The following ZAN variants were observed in gnomAD, a reference collection of about 807,000 sequenced individuals.
The protein encoded by ZAN is zonadhesin (gene/pseudogene).
ZAN carries 260 observed loss-of-function variants against 286.2 expected under a neutral mutation model. That is an observed-to-expected ratio of 0.91 (90% CI 0.82 to 1.01). ZAN has a LOEUF of 1.01. Among genes scored for constraint, ZAN ranks in the 50% least tolerant of loss-of-function variants. The pLI, the probability that ZAN is intolerant of heterozygous loss-of-function variation, is 0.00. For missense variants in ZAN, 3,410 were observed against 3,639.2 expected (o/e 0.94, Z 1.62); for synonymous variants, 1,368 against 1,417.5 (o/e 0.97, Z 0.79).
chr7:100,763,901 C>A lies in ZAN; in HGVS notation c.4082C>A (p.Thr1361Asn), dbSNP rs1562935467. The change falls in exon 21 of 48, where the codon ACT (threonine) becomes AAT (asparagine). Residue 1361 changes from threonine (T) to asparagine (N), a missense_variant. Physicochemically the swap from Thr to Asn is moderately conservative, Grantham distance 65. Transcript: ENST00000613979. The surrounding 1 kb of genome is among the most constrained non-coding windows in gnomAD (Gnocchi z 4.6). ...GGGTTCTGTGGACGGCTGGTCGACA[C>A]TCATGGCCCATTTGAGTATGAAGGA... ...GPGFCGRLVD[T>N]HGPFETCLLH... 2.5e-6 allele frequency: 4 copies of A among 1,614,030 alleles called. No individual in the cohort carries two copies. Among genetic ancestry groups the A allele is most frequent in the Middle Eastern group, 1.6e-4 (1 of 6,062 alleles).
chr7:100,794,975 A>G (rs77641115), intron 44 of ZAN, among the ~76,000 whole-genome samples: 3,125 of 151,724 alleles, frequency 0.021, 108 homozygotes, highest in African/African-American at 0.069. Context: ...AGGAGGAAGA[A>G]AGGAAGAGAG....
At chr7:100,749,165 C>A (rs1273199351) in intron 11 of ZAN, among the ~76,000 whole-genome samples, 2 of 151,668 alleles carry the variant, frequency 1.3e-5, no homozygotes, top group African/African-American at 4.8e-5. Flanking sequence ...ATAGTGAAAC[C>A]CTGACTCCAC....
At position 100,748,313 on chromosome 7, in the gene ZAN, T is replaced by G. The variant is rs1418253522; in HGVS notation, c.1103-11T>G. 2 of 1,613,854 alleles carry G rather than the reference T, an allele frequency of 1.2e-6. No homozygotes were observed. The highest frequency in any genetic ancestry group is 3.3e-5 in the Admixed American group (2 of 59,994). On this transcript the variant is annotated splice_polypyrimidine_tract_variant and intron_variant, in intron 10 of 47. Transcript: ENST00000613979. Reference sequence around the variant, plus strand: ...CTCAACTTGCTCAAATATCCTATTTTGATCCCCCAGAGGGTTTTCCTCAGT... The same window carrying G: ...CTCAACTTGCTCAAATATCCTATTTGGATCCCCCAGAGGGTTTTCCTCAGT...
chr7:100,749,315 C>G (rs538435934), intron 11 of ZAN, among the ~76,000 whole-genome samples: 2 of 151,378 alleles, frequency 1.3e-5, no homozygotes, highest in African/African-American at 2.4e-5. Context: ...GCACTCCATC[C>G]GGGGCAACAG....
At position 100,784,787 on chromosome 7, in the gene ZAN, C is replaced by A. The variant is rs1470453013; in HGVS notation, c.6787C>A (p.Pro2263Thr). ...TGTGCTGAGTGAAGACAAGTGTGTC[C>A]CCAGAAGTCAGTGTGGCTGCAAGGA... Reference protein sequence around the residue: ...GYVLSEDKCVPRSQCGCKDAH... With the variant: ...GYVLSEDKCVTRSQCGCKDAH... Residue 2263 changes from proline to threonine, a missense_variant, in exon 36 of 48, where the codon CCC becomes ACC. Pro to Thr is a conservative substitution (Grantham distance 38). Transcript: ENST00000613979. 1 of 1,611,352 alleles carries A rather than the reference C, an allele frequency of 6.2e-7. No individual in the cohort carries two copies. Among genetic ancestry groups the A allele is most frequent in the Non-Finnish European group, 8.5e-7 (1 of 1,178,188 alleles).
At chr7:100,797,254 TAG>T (rs1037131308) in intron 45 of ZAN, 110 bp from the exon 46 acceptor site, 16 of 977,852 alleles carry the variant, frequency 1.6e-5, no homozygotes, top group Middle Eastern at 3.1e-4. Context: ...CCTAGAGATT[TAG>T]AGAGATGAGG....
chr7:100,760,199 G>A lies in ZAN; in HGVS notation c.3697-192G>A, dbSNP rs74856666. On this transcript the variant is annotated intron_variant, in intron 18 of 47. Coordinates refer to ENST00000613979, the MANE Select transcript of ZAN (RefSeq NM_003386.3). ...ATTGCACTCCAGCCTAGGCAACATAGTAAGACACTGTCTCCTAAAAACAAA... is the reference window on the plus strand; with the variant it reads ...ATTGCACTCCAGCCTAGGCAACATAATAAGACACTGTCTCCTAAAAACAAA... Among the ~76,000 whole-genome samples the A allele has an allele frequency of 2.3e-3, 352 of 152,148 alleles. 13 individuals are homozygous for A. The East Asian group carries it at 0.065, about 28-fold the overall frequency.
Position 100,737,275 on chromosome 7 carries a change from G to A in ZAN, c.539G>A (p.Gly180Glu). The change falls in exon 6 of 48, where the codon GGA (glycine) becomes GAA (glutamate). Residue 180 changes from glycine to glutamate, a missense_variant. Gly to Glu is a moderately conservative substitution (Grantham distance 98). Around this residue, in one of 7 missense-constraint regions of ZAN, gnomAD observed 872 missense variants for 938.9 expected, o/e 0.93. Coordinates refer to ENST00000613979, the MANE Select transcript of ZAN (RefSeq NM_003386.3). ...ATCCTCTTGCAGCTGATGTTTGAGG[G>A]AACACGGGGTAGCACTGCCTACCTG... The part of the protein sequence containing the change: ...FTLPTRLMFE[G>E]TRGSTAYLDI... 6.7e-7 allele frequency: 1 copy of A among 1,487,668 alleles called. No homozygotes were observed. Among genetic ancestry groups the A allele is most frequent in the Non-Finnish European group, 9.2e-7 (1 of 1,088,074 alleles). 92.2% of individuals were successfully genotyped at this position (1,487,668 alleles called of 1,614,324 possible).
rs201825515 is a variant in ZAN, at chr7:100,776,499, C to T, written c.6252C>T (p.Ser2084=). 2.8e-4 allele frequency: 439 copies of T among 1,592,360 alleles called. No individual in the cohort carries two copies. The highest frequency in any genetic ancestry group is 3.6e-4 in the Non-Finnish European group (422 of 1,169,130). The change falls in exon 34 of 48, where the codon AGC becomes AGT. Residue 2084 remains serine, a synonymous_variant. Transcript: ENST00000613979. ...AAGAGGACGAACTAATGATGCCCAG[C>T]GATGAAGTAGCAAATAGTGACAGTG... ...DEEEDELMMP[S]DEVANSDSEF...
chr7:100,755,137 G>C (rs1809048826), intron 14 of ZAN, 89 bp from the exon 15 acceptor site: 2 of 1,441,592 alleles, frequency 1.4e-6, no homozygotes, highest in Admixed American at 2.2e-5. Flanking sequence ...TCCTAGAGAA[G>C]AACTTGAGTT....
chr7:100,786,504 A>C (rs771817638), intron 37 of ZAN, among the ~76,000 whole-genome samples: 6 of 152,136 alleles, frequency 3.9e-5, no homozygotes, highest in Non-Finnish European at 8.8e-5. Context: ...AAATGCCTGC[A>C]ATCATGTGAT....
At chr7:100,754,711 C>T (rs1026470709) in intron 14 of ZAN, among the ~76,000 whole-genome samples, 2 of 151,696 alleles carry the variant, frequency 1.3e-5, no homozygotes, top group Admixed American at 1.3e-4. Context: ...ACCATGTTGG[C>T]CAGGATGGTC....
rs141555597 is a variant in ZAN at position 100,772,154 on chromosome 7, C to G, written c.5425+134C>G. The stretch of plus-strand genomic sequence containing the variant: ...TGTTGCCCAGGCTGGAGTGCAGTGG[C>G]GCAATCTCGGCTCACTGCAACCTCT... On this transcript the variant is annotated intron_variant, in intron 29 of 47. Transcript: ENST00000613979. 1,363 of 1,151,882 alleles carry G rather than the reference C, an allele frequency of 1.2e-3. 15 individuals are homozygous for G. The African/African-American group carries it at 0.019, about 16-fold the overall frequency. The allele number at this position is 1,151,882 out of a possible 1,614,324, so 71.4% of individuals were successfully genotyped here. A position where few individuals can be genotyped will look rare whatever the true frequency, so the allele number is the denominator to read the frequency against.
chr7:100,784,704 G>A lies in ZAN; in HGVS notation c.6704G>A (p.Cys2235Tyr). ...TCCTGCTGGGACCTGGATGGCCGGT[G>A]TGAGGGCGCCAAAGTCCCCTCTGCC... ...SPSCWDLDGR[C>Y]EGAKVPSACA... Residue 2235 changes from cysteine to tyrosine, a missense_variant, in exon 36 of 48, where the codon TGT becomes TAT. Around this residue, in one of 7 missense-constraint regions of ZAN, gnomAD observed 1,289 missense variants for 1,314.3 expected, o/e 0.98. Coordinates refer to ENST00000613979, the MANE Select transcript of ZAN (RefSeq NM_003386.3). 1 of 1,613,950 alleles carries A rather than the reference G, an allele frequency of 6.2e-7. No individual in the cohort carries two copies. Among genetic ancestry groups the A allele is most frequent in the Non-Finnish European group, 8.5e-7 (1 of 1,179,892 alleles).
At chr7:100,790,430 C>G (rs966518094) in intron 39 of ZAN, among the ~76,000 whole-genome samples, 40 of 150,980 alleles carry the variant, frequency 2.6e-4, no homozygotes, top group African/African-American at 9.5e-4. Flanking sequence ...GGTGTGTTGG[C>G]GGGCACCTAT....
Position 100,789,292 on chromosome 7 carries a change from C to G in ZAN, c.7302C>G (p.Leu2434=). The G allele has an allele frequency of 6.2e-7, 1 of 1,613,906 alleles. No individual in the cohort carries two copies. The highest frequency in any genetic ancestry group is 8.5e-7 in the Non-Finnish European group (1 of 1,179,874). ...HLRVTLWGQR[L]YLVTDFELVV... The stretch of plus-strand genomic sequence containing the variant: ...GGGTCACCCTGTGGGGCCAACGGCT[C>G]TACCTGGTCACCGACTTTGAGCTGG... Residue 2434 remains leucine (L), a synonymous_variant, in exon 39 of 48, where the codon CTC becomes CTG. Transcript: ENST00000613979.
intron 5 of ZAN, 82 bp downstream of exon 5, chr7:100,737,162 G>A: frequency 7.0e-7 from 1 of 1,434,006 alleles, no homozygotes. Context: ...GGCAAAAAGG[G>A]ATTGTGGGGG....
intron 39 of ZAN, among the ~76,000 whole-genome samples, 153 bp from the exon 40 acceptor site, chr7:100,790,789 A>G (rs1811886699): frequency 6.7e-6 from 1 of 149,770 alleles, no homozygotes; most frequent in South Asian, 2.1e-4. Context: ...AGGCTGAGCC[A>G]TGGGAATTGC....
intron 35 of ZAN, among the ~76,000 whole-genome samples, chr7:100,780,549 C>T (rs1163176095): frequency 6.6e-6 from 1 of 151,646 alleles, no homozygotes; most frequent in Non-Finnish European, 1.5e-5. Flanking sequence ...TGGTGCATGC[C>T]TGTGGTCCCA....
Sources: gnomAD v4.1 joint callset for allele counts (sites outside exome capture counted in the v4.1 genomes callset) on GRCh38, gnomAD v4.1.1 for gene constraint, gnomAD v4.1.1 regional missense constraint, Gnocchi (gnomAD v3.1) non-coding constraint, MANE v1.5 for transcripts, NCBI Gene and HGNC (gene_info 2026-07-23, HGNC 2026-07-21) for gene names.